Variants in TAF4B observed in about 807,000 individuals in gnomAD.
TAF4B encodes TATA-box binding protein associated factor 4b.
In TAF4B, 38 loss-of-function variants were observed where a neutral mutation model predicts 86.4. The observed-to-expected ratio is 0.44, with a 90% CI of 0.34 to 0.58. The LOEUF (loss-of-function observed/expected upper bound fraction) is 0.58, where lower values mean the gene tolerates loss of function less well. Among genes scored for constraint, TAF4B ranks in the 20% least tolerant of loss-of-function variants. The pLI, the probability that TAF4B is intolerant of heterozygous loss-of-function variation, is 0.02. For missense variants in TAF4B, 988 were observed against 1,027.6 expected (o/e 0.96, Z 0.53); for synonymous variants, 388 against 391.2 (o/e 0.99, Z 0.10).
chr18:26,279,275 C>CCA (rs747717150), intron 5 of TAF4B, among the ~76,000 whole-genome samples: 6 of 151,972 alleles, frequency 3.9e-5, no homozygotes, highest in Non-Finnish European at 8.8e-5. Context: ...TTTACAATAG[C>CCA]CACACACACA....
chr18:26,380,730 T>C (rs2057472518), intron 14 of TAF4B, among the ~76,000 whole-genome samples: 1 of 152,206 alleles, frequency 6.6e-6, no homozygotes, highest in African/African-American at 2.4e-5. Flanking sequence ...TCCTTTGGTT[T>C]ACTTCCACCT....
At chr18:26,368,946 T>C (rs1255493217) in intron 14 of TAF4B, among the ~76,000 whole-genome samples, 1 of 152,156 alleles carries the variant, frequency 6.6e-6, no homozygotes, top group Non-Finnish European at 1.5e-5. Context: ...TGAAAACATA[T>C]ATTAACAAGA....
chr18:26,297,623 T>C (rs2056679781), intron 9 of TAF4B, among the ~76,000 whole-genome samples: 1 of 152,232 alleles, frequency 6.6e-6, no homozygotes, highest in South Asian at 2.1e-4. Flanking sequence ...TTTGGTAGCA[T>C]AATGTGTTTT....
intron 1 of TAF4B, among the ~76,000 whole-genome samples, chr18:26,239,726 A>G (rs2055807251): frequency 6.6e-6 from 1 of 152,228 alleles, no homozygotes; most frequent in African/African-American, 2.4e-5. Flanking sequence ...TTTAGGTCTA[A>G]CATTTAAGTC....
intron 14 of TAF4B, among the ~76,000 whole-genome samples, chr18:26,372,059 T>G (rs1195296855): frequency 6.6e-6 from 1 of 152,144 alleles, no homozygotes; most frequent in Admixed American, 6.5e-5. Context: ...TAGATCTGCC[T>G]CACAACGGAT....
chr18:26,285,222 G>GTTGTTTTTTTTTTTTTTTTT (rs2056498919), intron 6 of TAF4B, among the ~76,000 whole-genome samples: 1 of 45,660 alleles, frequency 2.2e-5, no homozygotes, highest in Non-Finnish European at 4.5e-5. Context: ...TTTTTTTTTT[G>GTTGTTTTTTTTTTTTTTTTT]TTTTTTTTTT....
intron 11 of TAF4B, 35 bp downstream of exon 11, chr18:26,321,235 A>C: frequency 6.2e-7 from 1 of 1,610,904 alleles, no homozygotes; most frequent in Non-Finnish European, 8.5e-7. Flanking sequence ...TAAACTCTCG[A>C]GTGTTATAGG....
At chr18:26,321,863 GCA>G (rs2056965904) in intron 11 of TAF4B, among the ~76,000 whole-genome samples, 1 of 151,930 alleles carries the variant, frequency 6.6e-6, no homozygotes, top group Non-Finnish European at 1.5e-5. Context: ...TTAAATGATT[GCA>G]TTGAGTGCTC....
chr18:26,274,632 A>G (rs367872504), intron 3 of TAF4B, 31 bp from the exon 4 acceptor site: 10 of 1,612,906 alleles, frequency 6.2e-6, no homozygotes, highest in African/African-American at 2.7e-5. Context: ...ATAGTAATAC[A>G]TGCCTAAATA....
intron 11 of TAF4B, among the ~76,000 whole-genome samples, chr18:26,325,655 A>C (rs745700710): frequency 6.6e-6 from 1 of 152,196 alleles, no homozygotes; most frequent in Non-Finnish European, 1.5e-5. Context: ...GTCCTTTTTA[A>C]ATTAAATCCC....
intron 14 of TAF4B, among the ~76,000 whole-genome samples, chr18:26,383,533 C>T (rs922240764): frequency 6.6e-6 from 1 of 152,108 alleles, no homozygotes; most frequent in African/African-American, 2.4e-5. Flanking sequence ...ACTTATAATA[C>T]ATTCAATTGG....
At chr18:26,321,010 T>C in intron 10 of TAF4B, 60 bp from the exon 11 acceptor site, 8 of 1,603,980 alleles carry the variant, frequency 5.0e-6, no homozygotes, top group Non-Finnish European at 6.0e-6. Flanking sequence ...CCTGCTGTGC[T>C]AATTATTTCA....
chr18:26,226,895 G>C lies in TAF4B; in HGVS notation c.-39G>C. 1 of 1,341,834 alleles carries C rather than the reference G, an allele frequency of 7.5e-7. No individual in the cohort carries two copies. Among genetic ancestry groups the C allele is most frequent in the Non-Finnish European group, 9.5e-7 (1 of 1,052,624 alleles). The allele number at this position is 1,341,834 out of a possible 1,614,324, so 83.1% of individuals were successfully genotyped here. ...CAAGCCTCCCCTCACCTCTGCTCCCGGAACCGCAGCGCCAAAGCTGCCGCT... is the reference window on the plus strand; with the variant it reads ...CAAGCCTCCCCTCACCTCTGCTCCCCGAACCGCAGCGCCAAAGCTGCCGCT... On this transcript the variant is annotated 5_prime_UTR_variant, in exon 1 of 15. Transcript: ENST00000269142.
intron 1 of TAF4B, among the ~76,000 whole-genome samples, chr18:26,244,915 G>A (rs1420533576): frequency 2.0e-5 from 3 of 152,130 alleles, no homozygotes; most frequent in Non-Finnish European, 4.4e-5. Context: ...TGAGAGTTCC[G>A]CTCACTGCTG....
chr18:26,339,700 T>C (rs910969437), intron 13 of TAF4B, among the ~76,000 whole-genome samples: 4 of 152,256 alleles, frequency 2.6e-5, no homozygotes, highest in African/African-American at 9.6e-5. Context: ...CTTTATTTAA[T>C]GCAGCTGCAA....
chr18:26,257,844 T>TGC lies in TAF4B; in HGVS notation c.344-7325_344-7324insCG, dbSNP rs1328530786. On this transcript the variant is annotated intron_variant, in intron 1 of 14. Coordinates refer to ENST00000269142, the MANE Select transcript of TAF4B (RefSeq NM_005640.3). ...CATTTCTGGCTTTCCTCTGCGTGCGTGTGTGTGTGTGTGTGTGTGTGTGTG... is the reference window on the plus strand; with the variant it reads ...CATTTCTGGCTTTCCTCTGCGTGCGTGCGTGTGTGTGTGTGTGTGTGTGTGTG... Among the ~76,000 whole-genome samples the TGC allele has an allele frequency of 6.2e-4, 12 of 19,354 alleles. No individual in the cohort carries two copies. The African/African-American group carries it at 9.8e-3, about 16-fold the overall frequency. The allele number at this position is 19,354 out of a possible 152,430, so 12.7% of individuals were successfully genotyped here. A position where few individuals can be genotyped will look rare whatever the true frequency, so the allele number is the denominator to read the frequency against.
chr18:26,302,371 A>ATTT (rs66683595), intron 9 of TAF4B, among the ~76,000 whole-genome samples: 7,452 of 92,686 alleles, frequency 0.08, 592 homozygotes, highest in African/African-American at 0.13. Flanking sequence ...TTCATATTAA[A>ATTT]TTTTTTTTTT....
intron 9 of TAF4B, among the ~76,000 whole-genome samples, chr18:26,299,710 G>A (rs1339791507): frequency 6.6e-6 from 1 of 152,028 alleles, no homozygotes; most frequent in Non-Finnish European, 1.5e-5. Flanking sequence ...AGATATAAAG[G>A]TATTTAGATT....
At chr18:26,251,773 T>TA (rs1288074485) in intron 1 of TAF4B, among the ~76,000 whole-genome samples, 1 of 152,232 alleles carries the variant, frequency 6.6e-6, no homozygotes, top group Admixed American at 6.5e-5. Context: ...AAGTGCTTTC[T>TA]ATTATATTAT....
Sources: gnomAD v4.1 joint callset for allele counts (sites outside exome capture counted in the v4.1 genomes callset) on GRCh38, gnomAD v4.1.1 for gene constraint, MANE v1.5 for transcripts, NCBI Gene and HGNC (gene_info 2026-07-23, HGNC 2026-07-21) for gene names.